The following AP3B1 variants were observed in gnomAD, a reference collection of about 807,000 sequenced individuals.
AP3B1 encodes the protein adaptor related protein complex 3 subunit beta 1.
In AP3B1, 61 loss-of-function variants were observed where a neutral mutation model predicts 132.5. That is an observed-to-expected ratio of 0.46 (90% CI 0.37 to 0.57). The LOEUF is 0.57. Among genes scored for constraint, AP3B1 ranks in the 20% least tolerant of loss-of-function variants. AP3B1 has a pLI of 0.00. For missense variants in AP3B1, 1,120 were observed against 1,289.4 expected (o/e 0.87, Z 2.01); for synonymous variants, 388 against 438.3 (o/e 0.89, Z 1.43).
chr5:78,082,562 G>A (rs991682312), intron 22 of AP3B1, among the ~76,000 whole-genome samples: 2 of 152,070 alleles, frequency 1.3e-5, no homozygotes. Flanking sequence ...GGAAGTTTAC[G>A]CAAGTCAAAG....
intron 3 of AP3B1, among the ~76,000 whole-genome samples, chr5:78,233,967 T>C (rs1054934742): frequency 1.3e-5 from 2 of 152,178 alleles, no homozygotes; most frequent in Non-Finnish European, 2.9e-5. Flanking sequence ...GGAAAAAAAT[T>C]ATATTTTATT....
At chr5:78,269,081 T>C (rs1268313976) in intron 1 of AP3B1, among the ~76,000 whole-genome samples, 1 of 152,240 alleles carries the variant, frequency 6.6e-6, no homozygotes, top group Non-Finnish European at 1.5e-5. Flanking sequence ...CTTCATTACG[T>C]AGATTCAAAT....
chr5:78,131,539 T>C (rs1752687272), intron 15 of AP3B1, among the ~76,000 whole-genome samples: 1 of 152,072 alleles, frequency 6.6e-6, no homozygotes, highest in Non-Finnish European at 1.5e-5. Context: ...TTTTACAATA[T>C]TGACAACATT....
chr5:78,284,935 C>G (rs1181873986), intron 1 of AP3B1, among the ~76,000 whole-genome samples: 1 of 152,170 alleles, frequency 6.6e-6, no homozygotes, highest in Non-Finnish European at 1.5e-5. Flanking sequence ...CTCCATTTCT[C>G]TGCTCTTCTA....
chr5:78,026,231 T>C (rs1045351903), intron 24 of AP3B1, among the ~76,000 whole-genome samples: 2 of 152,232 alleles, frequency 1.3e-5, no homozygotes, highest in Non-Finnish European at 2.9e-5. Context: ...AATGAAGCAC[T>C]ATTATTAGGG....
chr5:78,274,697 T>C (rs1275063147), intron 1 of AP3B1, among the ~76,000 whole-genome samples: 1 of 152,126 alleles, frequency 6.6e-6, no homozygotes, highest in Non-Finnish European at 1.5e-5. Flanking sequence ...TGCAAGAGGA[T>C]TGCTTAAGGC....
intron 22 of AP3B1, among the ~76,000 whole-genome samples, chr5:78,063,322 T>C (rs925181225): frequency 1.3e-5 from 2 of 152,210 alleles, no homozygotes; most frequent in African/African-American, 2.4e-5. Context: ...ACAGGCTACA[T>C]AATCTTCAAA....
intron 1 of AP3B1, among the ~76,000 whole-genome samples, chr5:78,280,365 TATCTC>T (rs1748998014): frequency 1.3e-5 from 2 of 152,210 alleles, no homozygotes; most frequent in Admixed American, 1.3e-4. Context: ...TGGTTAACAT[TATCTC>T]ATGTAGATTC....
intron 20 of AP3B1, among the ~76,000 whole-genome samples, chr5:78,107,013 A>C (rs1424661525): frequency 6.6e-6 from 1 of 152,226 alleles, no homozygotes; most frequent in Non-Finnish European, 1.5e-5. Flanking sequence ...ATAGGAGTGA[A>C]TGAGGTCTCA....
At chr5:78,124,282 G>A (rs1752366665) in intron 17 of AP3B1, among the ~76,000 whole-genome samples, 1 of 151,722 alleles carries the variant, frequency 6.6e-6, no homozygotes, top group African/African-American at 2.4e-5. Flanking sequence ...ACACCAACAT[G>A]GCACATGTAT....
At chr5:78,068,956 G>A (rs549565313) in intron 22 of AP3B1, among the ~76,000 whole-genome samples, 1 of 152,230 alleles carries the variant, frequency 6.6e-6, no homozygotes, top group South Asian at 2.1e-4. Context: ...TTCAACCTAT[G>A]CAAATCAATA....
chr5:78,292,845 TC>T (rs1013018681), intron 1 of AP3B1, among the ~76,000 whole-genome samples: 2 of 152,124 alleles, frequency 1.3e-5, no homozygotes, highest in Non-Finnish European at 2.9e-5. Flanking sequence ...GTTTTTTTTT[TC>T]CAAATCAGGT....
intron 15 of AP3B1, among the ~76,000 whole-genome samples, chr5:78,140,550 G>A (rs892496854): frequency 6.6e-6 from 1 of 152,178 alleles, no homozygotes; most frequent in Admixed American, 6.6e-5. Flanking sequence ...CAGCAAGCTA[G>A]CTCTCAGGGA....
chr5:78,218,382 CAATGAGCTCATCA>C (rs1428749111), intron 6 of AP3B1, among the ~76,000 whole-genome samples: 1 of 152,104 alleles, frequency 6.6e-6, no homozygotes, highest in East Asian at 1.9e-4. Context: ...ACAAAACCAG[CAATGAGCTCATCA>C]AATTCAAATG....
chr5:78,151,345 T>C (rs1753640767), intron 14 of AP3B1, among the ~76,000 whole-genome samples: 1 of 152,252 alleles, frequency 6.6e-6, no homozygotes, highest in South Asian at 2.1e-4. Flanking sequence ...CTTTCCAATG[T>C]GGATGCCTTT....
chr5:78,207,919 AAT>A (rs1745576250), intron 7 of AP3B1, among the ~76,000 whole-genome samples: 1 of 152,164 alleles, frequency 6.6e-6, no homozygotes. Flanking sequence ...GGCCTAAGAG[AAT>A]ACTAATCCAA....
chr5:78,114,061 A>G, intron 18 of AP3B1, 138 bp from the exon 19 acceptor site: 1 of 935,584 alleles, frequency 1.1e-6, no homozygotes, highest in African/African-American at 1.6e-5. Flanking sequence ...TTAACATTTT[A>G]TTCCCACACC....
chr5:78,091,490 C>T (rs749274601), intron 21 of AP3B1, among the ~76,000 whole-genome samples: 1 of 152,134 alleles, frequency 6.6e-6, no homozygotes, highest in Admixed American at 6.5e-5. Context: ...CTTAGACCCA[C>T]ACTGAAAACC....
chr5:78,173,035 G>A (rs1159561343), intron 11 of AP3B1, among the ~76,000 whole-genome samples: 1 of 152,192 alleles, frequency 6.6e-6, no homozygotes, highest in African/African-American at 2.4e-5. Flanking sequence ...AGTCATTCAG[G>A]AACAGGTTGT....
Sources: gnomAD v4.1 joint callset for allele counts (sites outside exome capture counted in the v4.1 genomes callset) on GRCh38, gnomAD v4.1.1 for gene constraint, MANE v1.5 for transcripts, NCBI Gene and HGNC (gene_info 2026-07-23, HGNC 2026-07-21) for gene names.